PLA2G10: variants seen among roughly 807,000 people sequenced by gnomAD.
PLA2G10 encodes phospholipase A2 group X.
PLA2G10 carries 9 observed loss-of-function variants against 7.9 expected under a neutral mutation model. The observed-to-expected ratio is 1.14, with a 90% confidence interval of 0.68 to 1.98. The LOEUF (loss-of-function observed/expected upper bound fraction) is 1.98. PLA2G10 is among the 30% of genes most tolerant of loss of function. The pLI is 0.00. For synonymous variants in PLA2G10, 19 were observed against 27.5 expected (o/e 0.69, Z 0.97); for missense variants, 53 against 65.4 (o/e 0.81, Z 0.66).
At chr16:14,683,849 A>C (rs1372128379) in intron 3 of PLA2G10, among the ~76,000 whole-genome samples, 2 of 152,222 alleles carry the variant, frequency 1.3e-5, no homozygotes, top group African/African-American at 4.8e-5. Flanking sequence ...GTTTTGTGCA[A>C]AGACACTATC....
At chr16:14,686,775 G>T (rs752328495) in intron 3 of PLA2G10, among the ~76,000 whole-genome samples, 6 of 152,224 alleles carry the variant, frequency 3.9e-5, no homozygotes, top group Admixed American at 3.3e-4. Context: ...AACTATAGGC[G>T]TGAGCCACAG....
intron 3 of PLA2G10, among the ~76,000 whole-genome samples, chr16:14,676,645 C>G (rs942052384): frequency 1.3e-5 from 2 of 152,118 alleles, no homozygotes; most frequent in African/African-American, 4.8e-5. Flanking sequence ...CGCCACTGCA[C>G]TCCAACCTGG....
chr16:14,682,456 T>C (rs1224663303), intron 3 of PLA2G10, among the ~76,000 whole-genome samples: 1 of 151,906 alleles, frequency 6.6e-6, no homozygotes, highest in Non-Finnish European at 1.5e-5. Flanking sequence ...GCACCTCTAG[T>C]CCCAGCTACT....
chr16:14,687,813 T>A, intron 3 of PLA2G10, among the ~76,000 whole-genome samples: 1 of 151,320 alleles, frequency 6.6e-6, no homozygotes, highest in Non-Finnish European at 1.5e-5. Context: ...CCTGGCCAAC[T>A]TGGTGAAACC....
Position 14,678,937 on chromosome 16 carries a change from G to A in PLA2G10, c.356-6188C>T, listed in dbSNP as rs543127564. On this transcript the variant is annotated intron_variant, in intron 3 of 3. Transcript: ENST00000438167. ...TGGGGGACTCTGCTCCAGCCTCACC[G>A]AACTCCTTGTGATCCTCAGACCACC... 3.2e-4 allele frequency among the ~76,000 whole-genome samples: 49 copies of A among 151,822 alleles called. 1 individual carries two copies. The highest frequency in any genetic ancestry group is 4.4e-4 in the Non-Finnish European group (30 of 67,964).
intron 3 of PLA2G10, among the ~76,000 whole-genome samples, chr16:14,684,267 G>A (rs1391383304): frequency 6.7e-6 from 1 of 150,108 alleles, no homozygotes; most frequent in African/African-American, 2.5e-5. Flanking sequence ...AGTTCAGGAG[G>A]CGGAGGCTGA....
chr16:14,679,169 A>G (rs1406420154), intron 3 of PLA2G10, among the ~76,000 whole-genome samples: 1 of 152,146 alleles, frequency 6.6e-6, no homozygotes, highest in African/African-American at 2.4e-5. Context: ...AAAATTTACC[A>G]TATTAAAATG....
chr16:14,673,944 A>G (rs1238454821), intron 3 of PLA2G10, among the ~76,000 whole-genome samples: 1 of 152,270 alleles, frequency 6.6e-6, no homozygotes, highest in South Asian at 2.1e-4. Flanking sequence ...AGAGGAAATC[A>G]AACTACCTCT....
intron 3 of PLA2G10, among the ~76,000 whole-genome samples, chr16:14,683,791 C>T (rs911871874): frequency 1.3e-5 from 2 of 152,048 alleles, no homozygotes; most frequent in Non-Finnish European, 1.5e-5. Flanking sequence ...ACCAAAAACA[C>T]GAGCAACAAA....
chr16:14,673,000 ATTTCTTTTTTCT>A (rs1304320580), intron 3 of PLA2G10, among the ~76,000 whole-genome samples: 2 of 138,446 alleles, frequency 1.4e-5, no homozygotes, highest in Non-Finnish European at 3.1e-5. Context: ...ATATTACACG[ATTTCTTTTTTCT>A]TTTCTTTTTT....
rs532863472 is a variant in PLA2G10 at position 14,679,344 on chromosome 16, G to A, written c.356-6595C>T. On this transcript the variant is annotated intron_variant, in intron 3 of 3. Coordinates refer to ENST00000438167, the MANE Select transcript of PLA2G10 (RefSeq NM_003561.3). ...AGGTCAGGAGTTCAAGACCAACCTAGGCAGCATAGCAAGACACCATCTCTA... is the reference window on the plus strand; with the variant it reads ...AGGTCAGGAGTTCAAGACCAACCTAAGCAGCATAGCAAGACACCATCTCTA... Among the ~76,000 whole-genome samples, 92 of 152,052 alleles carry A rather than the reference G, an allele frequency of 6.1e-4. 2 individuals carry two copies. The highest frequency in any genetic ancestry group is 1.0e-3 in the South Asian group (5 of 4,822).
At chr16:14,686,420 C>T (rs1961066068) in intron 3 of PLA2G10, among the ~76,000 whole-genome samples, 1 of 152,200 alleles carries the variant, frequency 6.6e-6, no homozygotes, top group Non-Finnish European at 1.5e-5. Flanking sequence ...CCATTACTCA[C>T]TTCCTAGTTG....
chr16:14,678,648 T>A, intron 3 of PLA2G10: 1 of 340,394 alleles, frequency 2.9e-6, no homozygotes, highest in Non-Finnish European at 5.9e-6. Context: ...CACATACCTG[T>A]GATTCCAGCT....
At chr16:14,674,176 C>T (rs1242887713) in intron 3 of PLA2G10, among the ~76,000 whole-genome samples, 2 of 151,116 alleles carry the variant, frequency 1.3e-5, no homozygotes, top group Non-Finnish European at 2.9e-5. Flanking sequence ...TATACTTGAG[C>T]AGGAAGGTGA....
chr16:14,675,816 G>A (rs907273753), intron 3 of PLA2G10, among the ~76,000 whole-genome samples: 3 of 151,576 alleles, frequency 2.0e-5, no homozygotes, highest in Admixed American at 6.6e-5. Flanking sequence ...GCTCATGCCT[G>A]TAATCCCAGC....
intron 3 of PLA2G10, among the ~76,000 whole-genome samples, chr16:14,674,993 G>C (rs1376373730): frequency 6.6e-6 from 1 of 152,020 alleles, no homozygotes; most frequent in Admixed American, 6.6e-5. Flanking sequence ...CCAACATGGA[G>C]AAACCTCGTC....
chr16:14,681,806 A>C (rs1229393309), intron 3 of PLA2G10, among the ~76,000 whole-genome samples: 1 of 151,652 alleles, frequency 6.6e-6, no homozygotes, highest in Non-Finnish European at 1.5e-5. Context: ...GACTCTACCA[A>C]CAGACACACC....
At chr16:14,680,260 C>G (rs1960853229) in intron 3 of PLA2G10, among the ~76,000 whole-genome samples, 1 of 152,114 alleles carries the variant, frequency 6.6e-6, no homozygotes, top group Non-Finnish European at 1.5e-5. Context: ...GCCACCACGA[C>G]CGGCTAATTT....
chr16:14,684,111 A>T (rs550544147), intron 3 of PLA2G10, among the ~76,000 whole-genome samples: 3 of 152,070 alleles, frequency 2.0e-5, no homozygotes, highest in Non-Finnish European at 4.4e-5. Context: ...CTGTAATCCC[A>T]GCACTTTGGG....
Sources: allele counts gnomAD v4.1 joint callset (sites outside exome capture counted in the v4.1 genomes callset), GRCh38; gene constraint gnomAD v4.1.1; transcripts MANE v1.5; gene names NCBI Gene and HGNC (gene_info 2026-07-23, HGNC 2026-07-21).